The following MBNL2 variants were observed in gnomAD, a reference collection of about 807,000 sequenced individuals.
MBNL2 encodes the protein muscleblind like splicing regulator 2.
Under a neutral mutation model 41.9 loss-of-function variants are expected in MBNL2, and 17 were observed. That is an observed-to-expected ratio of 0.41 (90% CI 0.28 to 0.61). MBNL2 has a LOEUF of 0.61. MBNL2 is among the 20% of genes least tolerant of loss of function. MBNL2 has a pLI of 0.35. For synonymous variants in MBNL2, 195 were observed against 182.9 expected (o/e 1.07, Z -0.53); for missense variants, 336 against 505.6 (o/e 0.66, Z 3.22).
At chr13:97,160,209 A>G in the MBNL2 span, among the ~76,000 whole-genome samples, 2 of 152,230 alleles carry the variant, frequency 1.3e-5, no homozygotes, top group East Asian at 3.8e-4. Context: ...TCTGCAACAA[A>G]ATGGTTGCCT....
intron 2 of MBNL2, among the ~76,000 whole-genome samples, chr13:97,297,369 G>T (rs543879869): frequency 1.3e-5 from 2 of 152,280 alleles, no homozygotes; most frequent in South Asian, 2.1e-4. Flanking sequence ...GTCTCCATGT[G>T]TCCTGGAGTA....
rs147846416 is a variant in MBNL2, at chr13:97,322,809, C to T, written c.175-11467C>T. Among the ~76,000 whole-genome samples the T allele has an allele frequency of 2.4e-3, 359 of 152,288 alleles. 1 individual carries two copies. Among genetic ancestry groups the T allele is most frequent in the African/African-American group, 8.4e-3 (348 of 41,552 alleles). The stretch of plus-strand genomic sequence containing the variant: ...AACTCCGACACCAGCAACCAAGGCA[C>T]TCTGGCCTTGTCATAGTATATTTAT... On this transcript the variant is annotated intron_variant, in intron 2 of 8. Transcript: ENST00000679496.
the MBNL2 span, among the ~76,000 whole-genome samples, chr13:97,198,570 G>A: frequency 6.6e-6 from 1 of 151,510 alleles, no homozygotes; most frequent in South Asian, 2.1e-4. Flanking sequence ...TTTCTCTGAA[G>A]AATCCTGATT....
chr13:97,310,086 G>A (rs2058455207), intron 2 of MBNL2, among the ~76,000 whole-genome samples: 1 of 152,024 alleles, frequency 6.6e-6, no homozygotes, highest in Non-Finnish European at 1.5e-5. Context: ...CTTAGCCCCT[G>A]GCAGAAATGT....
At chr13:97,265,956 A>G (rs1042566985) in intron 1 of MBNL2, among the ~76,000 whole-genome samples, 1 of 152,058 alleles carries the variant, frequency 6.6e-6, no homozygotes, top group Non-Finnish European at 1.5e-5. Context: ...TTTTCAATAA[A>G]TTAGGCCGGG....
At position 97,347,516 on chromosome 13, in the gene MBNL2, A is replaced by T. The variant is rs144882821; in HGVS notation, c.804+449A>T. 3.8e-3 allele frequency among the ~76,000 whole-genome samples: 582 copies of T among 152,320 alleles called. 5 individuals are homozygous for T. The highest frequency in any genetic ancestry group is 0.013 in the African/African-American group (555 of 41,562). On this transcript the variant is annotated intron_variant, in intron 5 of 8. Transcript: ENST00000679496. ...TCTGTGGCCTAAGAGAAGCCCAGAG[A>T]GTGATTTGGCTTTTCGCTACTCCCA... is the stretch of plus-strand genomic sequence containing the variant.
the MBNL2 span, among the ~76,000 whole-genome samples, chr13:97,151,103 T>C: frequency 6.6e-6 from 1 of 152,158 alleles, no homozygotes; most frequent in African/African-American, 2.4e-5. Context: ...CTTTGCAAGT[T>C]GGAAAGCAGG....
intron 3 of MBNL2, among the ~76,000 whole-genome samples, chr13:97,337,497 C>A (rs569219146): frequency 6.6e-6 from 1 of 152,256 alleles, no homozygotes; most frequent in Admixed American, 6.5e-5. Context: ...CTGGATATTT[C>A]TTTCCATCTG....
At chr13:97,258,803 G>A (rs1215058629) in intron 1 of MBNL2, among the ~76,000 whole-genome samples, 2 of 152,198 alleles carry the variant, frequency 1.3e-5, no homozygotes, top group Non-Finnish European at 2.9e-5. Context: ...TCCGGCATAG[G>A]ATCAATAGCC....
upstream of MBNL2, among the ~76,000 whole-genome samples, chr13:97,218,264 G>T (rs1342315424): frequency 1.3e-5 from 2 of 151,958 alleles, no homozygotes; most frequent in African/African-American, 2.4e-5. Context: ...TAAAAAATTA[G>T]CTGGGCGTGG....
chr13:97,317,917 T>C (rs1208543921), intron 2 of MBNL2, among the ~76,000 whole-genome samples: 1 of 152,250 alleles, frequency 6.6e-6, no homozygotes, highest in Non-Finnish European at 1.5e-5. Flanking sequence ...TGCAGATTTA[T>C]GTATGTAGAG....
chr13:97,159,743 G>A, the MBNL2 span, among the ~76,000 whole-genome samples: 34 of 151,678 alleles, frequency 2.2e-4, no homozygotes, highest in African/African-American at 6.0e-4. Context: ...CTTCTGGCTT[G>A]TAGGGTTTCT....
At position 97,392,400 on chromosome 13, in the gene MBNL2, G is replaced by A. The variant is rs1193093898; in HGVS notation, c.*951G>A. 1 of 152,516 alleles carries A rather than the reference G, an allele frequency of 6.6e-6. No individual in the cohort carries two copies. The highest frequency in any genetic ancestry group is 2.4e-5 in the African/African-American group (1 of 41,446). 9.4% of individuals were successfully genotyped at this position (152,516 alleles called of 1,614,324 possible). A position where few individuals can be genotyped will look rare whatever the true frequency, so the allele number is the denominator to read the frequency against. On this transcript the variant is annotated 3_prime_UTR_variant, in exon 9 of 9. Coordinates refer to ENST00000679496, the MANE Select transcript of MBNL2 (RefSeq NM_001382683.1). ...TTACTATGTAAACAAAAAGTAGATA[G>A]TTTCACTTTTTAAAAAATCCATTAC...
chr13:97,159,220 C>A, the MBNL2 span, among the ~76,000 whole-genome samples: 20,262 of 150,416 alleles, frequency 0.13, 3,106 homozygotes, highest in African/African-American at 0.37. Context: ...GATTGCAACC[C>A]CTGCGTTTTT....
chr13:97,232,441 A>G (rs573982580), intron 1 of MBNL2, among the ~76,000 whole-genome samples: 66 of 152,240 alleles, frequency 4.3e-4, no homozygotes, highest in Admixed American at 9.2e-4. Flanking sequence ...CTATATGGAA[A>G]GTCCTCCTCT....
intron 1 of MBNL2, among the ~76,000 whole-genome samples, chr13:97,239,971 CAGG>C (rs2043966120): frequency 6.6e-6 from 1 of 152,062 alleles, no homozygotes; most frequent in Non-Finnish European, 1.5e-5. Context: ...ACTCCAACCC[CAGG>C]AGAAGAAGTT....
rs148560173 is a variant in MBNL2, at chr13:97,237,324, C to G, written c.-605+14793C>G. Among the ~76,000 whole-genome samples, 7 of 152,330 alleles carry G rather than the reference C, an allele frequency of 4.6e-5. No homozygotes were observed. In the East Asian group the frequency reaches 9.6e-4, roughly 21 times the overall value. On this transcript the variant is annotated intron_variant, in intron 1 of 8. Coordinates refer to ENST00000679496, the MANE Select transcript of MBNL2 (RefSeq NM_001382683.1). ...TTGTTAATTTAAGGACCTGCTCTGC[C>G]AGGGCAAATGTGTTCTCCTTAATGA...
chr13:97,211,997 G>T, the MBNL2 span, among the ~76,000 whole-genome samples: 1 of 152,092 alleles, frequency 6.6e-6, no homozygotes, highest in Non-Finnish European at 1.5e-5. Flanking sequence ...AATATCTAAA[G>T]GTGTCAAAGA....
At chr13:97,252,919 G>A (rs1467577586) in intron 1 of MBNL2, among the ~76,000 whole-genome samples, 7 of 151,920 alleles carry the variant, frequency 4.6e-5, no homozygotes, top group African/African-American at 1.5e-4. Flanking sequence ...TGAAAATTTC[G>A]AACAGCTTCT....
Sources: gnomAD v4.1 joint callset for allele counts (sites outside exome capture counted in the v4.1 genomes callset) on GRCh38, gnomAD v4.1.1 for gene constraint, MANE v1.5 for transcripts, NCBI Gene and HGNC (gene_info 2026-07-23, HGNC 2026-07-21) for gene names.